Variants in TMEM163 observed in about 807,000 individuals in gnomAD.
The protein encoded by TMEM163 is transmembrane protein 163.
In TMEM163, 17 loss-of-function variants were observed where a neutral mutation model predicts 29.3. That is an observed-to-expected ratio of 0.58 (90% CI 0.40 to 0.87). The LOEUF (loss-of-function observed/expected upper bound fraction) is 0.87, where lower values mean the gene tolerates loss of function less well. Ranked by LOEUF, TMEM163 falls within the 40% of genes least tolerant of loss-of-function variation. The pLI is 0.00. For synonymous variants in TMEM163, 157 were observed against 160.6 expected, an observed-to-expected ratio of 0.98 and a Z score of 0.17; for missense variants, 303 against 381.5, an observed-to-expected ratio of 0.79 and a Z score of 1.71.
chr2:134,533,084 TAAAC>T (rs150641530), intron 4 of TMEM163, among the ~76,000 whole-genome samples: 2,682 of 152,042 alleles, frequency 0.018, 41 homozygotes, highest in Middle Eastern at 0.061. Context: ...CCTAAAGAAA[TAAAC>T]AAAGAGGTGT....
chr2:134,543,748 C>T (rs555098866), intron 4 of TMEM163, among the ~76,000 whole-genome samples: 37 of 152,286 alleles, frequency 2.4e-4, no homozygotes, highest in Admixed American at 7.2e-4. Flanking sequence ...GCATTTGGCT[C>T]AGCAAATTGG....
At position 134,622,305 on chromosome 2, in the gene TMEM163, C is replaced by T. The variant is rs1158479180; in HGVS notation, c.323-70214G>A. Among the ~76,000 whole-genome samples, 5 of 152,140 alleles carry T rather than the reference C, an allele frequency of 3.3e-5. 1 individual carries two copies. The South Asian group carries it at 8.3e-4, about 25-fold the overall frequency. On this transcript the variant is annotated intron_variant, in intron 2 of 7. Coordinates refer to ENST00000281924, the MANE Select transcript of TMEM163 (RefSeq NM_030923.5). ...AATTATACTTTAAAAAATCATAGCT[C>T]GAATAAATTCAGCAAATATGTTTGC...
At chr2:134,557,931 G>A (rs552286899) in intron 2 of TMEM163, among the ~76,000 whole-genome samples, 9 of 152,168 alleles carry the variant, frequency 5.9e-5, no homozygotes, top group African/African-American at 2.2e-4. Context: ...TAGGGATTTG[G>A]GGGTCCTGAG....
intron 2 of TMEM163, among the ~76,000 whole-genome samples, chr2:134,585,691 T>A (rs571900207): frequency 2.0e-5 from 3 of 148,710 alleles, no homozygotes; most frequent in Non-Finnish European, 4.4e-5. Flanking sequence ...GCAGTGAGTC[T>A]AGATCGCGCC....
At chr2:134,493,761 G>A (rs1679483821) in intron 5 of TMEM163, among the ~76,000 whole-genome samples, 1 of 152,126 alleles carries the variant, frequency 6.6e-6, no homozygotes, top group Non-Finnish European at 1.5e-5. Flanking sequence ...ATAGTTTCAG[G>A]TTTTACATTG....
At chr2:134,629,045 C>G (rs1558970055) in intron 2 of TMEM163, among the ~76,000 whole-genome samples, 1 of 152,206 alleles carries the variant, frequency 6.6e-6, no homozygotes, top group Non-Finnish European at 1.5e-5. Flanking sequence ...TCTTAAAAAG[C>G]TATCTTGGAT....
At chr2:134,520,410 GCTACTTACAGCA>G (rs1338526860) in intron 4 of TMEM163, among the ~76,000 whole-genome samples, 4 of 152,198 alleles carry the variant, frequency 2.6e-5, no homozygotes, top group Non-Finnish European at 4.4e-5. Context: ...CCTGTGTCTG[GCTACTTACAGCA>G]CCAGCAACCT....
At chr2:134,661,164 T>TCTCA in intron 2 of TMEM163, among the ~76,000 whole-genome samples, 1 of 113,816 alleles carries the variant, frequency 8.8e-6, no homozygotes, top group Non-Finnish European at 1.7e-5. Context: ...TCTTGCTTGC[T>TCTCA]CTCTCTCTCT....
rs1252451155 is a variant in TMEM163 at position 134,627,755 on chromosome 2, T to G, written c.323-75664A>C. Among the ~76,000 whole-genome samples, 3 of 152,312 alleles carry G rather than the reference T, an allele frequency of 2.0e-5. No homozygotes were observed. In the East Asian group the frequency reaches 5.8e-4, roughly 29 times the overall value. On this transcript the variant is annotated intron_variant, in intron 2 of 7. Transcript: ENST00000281924. The stretch of plus-strand genomic sequence containing the variant: ...TACAGAAAAAGTTATTCCTATGAAA[T>G]GTATTTTAGTGTATATGGGGAGAAA...
intron 2 of TMEM163, among the ~76,000 whole-genome samples, chr2:134,700,552 CT>C (rs1684677363): frequency 6.6e-6 from 1 of 152,138 alleles, no homozygotes; most frequent in African/African-American, 2.4e-5. Flanking sequence ...TCCTCATGTA[CT>C]TTTGCTTCCT....
chr2:134,520,295 C>T (rs959773374), intron 4 of TMEM163, among the ~76,000 whole-genome samples: 4 of 152,192 alleles, frequency 2.6e-5, no homozygotes, highest in African/African-American at 7.2e-5. Flanking sequence ...TGAAGTCCAC[C>T]GCAATGCCCT....
chr2:134,539,029 CTG>C (rs1355396765), intron 4 of TMEM163, among the ~76,000 whole-genome samples: 13 of 152,156 alleles, frequency 8.5e-5, no homozygotes, highest in African/African-American at 3.1e-4. Context: ...CCACCTATCT[CTG>C]TTTTGCCTGG....
At chr2:134,693,499 C>T (rs909701278) in intron 2 of TMEM163, among the ~76,000 whole-genome samples, 1 of 151,456 alleles carries the variant, frequency 6.6e-6, no homozygotes, top group Non-Finnish European at 1.5e-5. Context: ...ATCCTGGCTA[C>T]TCAGGAGGTT....
intron 2 of TMEM163, among the ~76,000 whole-genome samples, chr2:134,589,648 G>A (rs1681898082): frequency 6.6e-6 from 1 of 152,186 alleles, no homozygotes; most frequent in Admixed American, 6.5e-5. Flanking sequence ...GAAAACTCAT[G>A]AATAGTCCAC....
At chr2:134,650,729 T>C (rs1206715247) in intron 2 of TMEM163, among the ~76,000 whole-genome samples, 1 of 117,950 alleles carries the variant, frequency 8.5e-6, no homozygotes, top group Non-Finnish European at 1.6e-5. Context: ...GAGTGTGATA[T>C]TCCCCTTCCT....
intron 4 of TMEM163, among the ~76,000 whole-genome samples, chr2:134,534,812 C>T (rs775512147): frequency 7.3e-5 from 11 of 151,684 alleles, no homozygotes; most frequent in African/African-American, 1.9e-4. Context: ...TAGAAAAGGC[C>T]GTAAAGAGTC....
chr2:134,539,852 T>C (rs1680627195), intron 4 of TMEM163, among the ~76,000 whole-genome samples: 1 of 152,148 alleles, frequency 6.6e-6, no homozygotes, highest in Non-Finnish European at 1.5e-5. Flanking sequence ...ACAGGACATC[T>C]GAGAAGGGAA....
chr2:134,481,954 C>A (rs1189684963), intron 5 of TMEM163, among the ~76,000 whole-genome samples: 1 of 152,148 alleles, frequency 6.6e-6, no homozygotes, highest in East Asian at 1.9e-4. Context: ...AGGAATGAAC[C>A]CCACCATCTC....
intron 2 of TMEM163, among the ~76,000 whole-genome samples, chr2:134,688,737 A>T (rs1337053464): frequency 1.3e-5 from 2 of 152,174 alleles, no homozygotes; most frequent in Non-Finnish European, 2.9e-5. Flanking sequence ...TCCTGTTCTA[A>T]TGTCTTATAA....
Sources: allele counts gnomAD v4.1 joint callset (sites outside exome capture counted in the v4.1 genomes callset), GRCh38; gene constraint gnomAD v4.1.1; transcripts MANE v1.5; gene names NCBI Gene and HGNC (gene_info 2026-07-23, HGNC 2026-07-21).